The following ZFHX3 variants were observed in gnomAD, a reference collection of about 807,000 sequenced individuals.
The protein encoded by ZFHX3 is zinc finger homeobox protein 3.
A neutral mutation model predicts 279.1 loss-of-function variants in ZFHX3; 42 were observed. The ratio of observed to expected loss-of-function variants is 0.15; its 90% CI spans 0.12 to 0.19. ZFHX3 has a LOEUF of 0.19. ZFHX3 is among the 10% of genes least tolerant of loss of function. The pLI is 1.00. For missense variants in ZFHX3, 4,981 were observed against 4,754.0 expected (o/e 1.05, Z -1.40); for synonymous variants, 2,293 against 1,957.8 (o/e 1.17, Z -4.52).
intron 5 of ZFHX3, among the ~76,000 whole-genome samples, chr16:73,175,905 G>A (rs904797820): frequency 1.3e-5 from 2 of 152,098 alleles, no homozygotes; most frequent in East Asian, 1.9e-4. Flanking sequence ...TTACTTGGGG[G>A]GCAGGGCTAT....
chr16:73,091,200 G>A (rs1333822114), intron 8 of ZFHX3, among the ~76,000 whole-genome samples: 1 of 146,598 alleles, frequency 6.8e-6, no homozygotes, highest in East Asian at 2.0e-4. Context: ...GGCAGAGTGA[G>A]ACTCCGTCTC....
chr16:72,825,089 C>A (rs780907628), intron 5 of ZFHX3, among the ~76,000 whole-genome samples: 9 of 152,226 alleles, frequency 5.9e-5, no homozygotes, highest in Non-Finnish European at 1.3e-4. Flanking sequence ...AGTGGATATC[C>A]CCTGTCCATG....
At position 72,793,632 on chromosome 16, in the gene ZFHX3, G is replaced by A. The variant is rs538554449; in HGVS notation, c.9050C>T (p.Thr3017Met). ...SMAKHFGINQ[T>M]SYEGPKTECT... ...CTCTGTTTTGGGTCCCTCATAACTC[G>A]TTTGGTTTATACCAAAATGCTTGGC... The change falls in exon 9 of 10, where the codon ACG becomes ATG. Residue 3017 changes from threonine (T) to methionine (M), a missense_variant. By Grantham distance (81) the Thr-to-Met change is moderately conservative. Coordinates refer to ENST00000268489, the MANE Select transcript of ZFHX3 (RefSeq NM_006885.4). This position sits in a 1 kb window ranked among gnomAD's most constrained non-coding sequence, Gnocchi z 4.3. 4.8e-5 allele frequency: 78 copies of A among 1,614,140 alleles called. No homozygotes were observed. Among genetic ancestry groups the A allele is most frequent in the Non-Finnish European group, 6.0e-5 (71 of 1,180,016 alleles).
At chr16:73,020,530 T>A (rs1464829947) in intron 1 of ZFHX3, among the ~76,000 whole-genome samples, 1 of 152,316 alleles carries the variant, frequency 6.6e-6, no homozygotes, top group Non-Finnish European at 1.5e-5. Context: ...GCGGGACCCA[T>A]GGGACAAACC....
intron 7 of ZFHX3, among the ~76,000 whole-genome samples, chr16:73,129,227 A>G (rs747683450): frequency 2.0e-5 from 3 of 152,192 alleles, no homozygotes; most frequent in Non-Finnish European, 2.9e-5. Flanking sequence ...GTCTCTACTA[A>G]AAATACAAAA....
At chr16:72,972,526 G>A (rs1962151008) in intron 1 of ZFHX3, among the ~76,000 whole-genome samples, 1 of 152,144 alleles carries the variant, frequency 6.6e-6, no homozygotes, top group South Asian at 2.1e-4. Flanking sequence ...CTTGTGCAGT[G>A]GAACCAACTA....
At chr16:73,795,151 G>C (rs1959954202) in intron 1 of ZFHX3, among the ~76,000 whole-genome samples, 1 of 152,184 alleles carries the variant, frequency 6.6e-6, no homozygotes, top group South Asian at 2.1e-4. Context: ...AGAGGTCCCA[G>C]GCTCAGACCG....
chr16:73,698,065 T>C (rs1404545396), intron 1 of ZFHX3, among the ~76,000 whole-genome samples: 1 of 151,960 alleles, frequency 6.6e-6, no homozygotes, highest in Non-Finnish European at 1.5e-5. Context: ...AAAAAAAACA[T>C]AGGAAATGAT....
intron 3 of ZFHX3, among the ~76,000 whole-genome samples, chr16:72,905,804 G>C (rs991093923): frequency 6.6e-6 from 1 of 152,184 alleles, no homozygotes; most frequent in South Asian, 2.1e-4. Context: ...CTACAGCTCC[G>C]ATGAGTCAGA....
chr16:73,361,440 G>A (rs918283768), intron 3 of ZFHX3, among the ~76,000 whole-genome samples: 3 of 152,228 alleles, frequency 2.0e-5, no homozygotes, highest in Non-Finnish European at 4.4e-5. Flanking sequence ...CAGCTGAATC[G>A]CCCAGCTGAA....
chr16:73,264,747 C>G (rs910782923), intron 4 of ZFHX3, among the ~76,000 whole-genome samples: 1 of 152,026 alleles, frequency 6.6e-6, no homozygotes, highest in Non-Finnish European at 1.5e-5. Context: ...CAAGCTTTCC[C>G]CCTGAGTCCC....
chr16:72,788,982 T>G, intron 9 of ZFHX3, 134 bp from the exon 10 acceptor site: 1 of 1,338,940 alleles, frequency 7.5e-7, no homozygotes, highest in Admixed American at 2.9e-5. Context: ...AACGAACATT[T>G]CCAACAGAAG....
At chr16:73,578,766 G>T (rs917628460) in intron 2 of ZFHX3, among the ~76,000 whole-genome samples, 1 of 152,022 alleles carries the variant, frequency 6.6e-6, no homozygotes, top group African/African-American at 2.4e-5. Flanking sequence ...TAAAAGTAGT[G>T]AAAATAGACA....
chr16:73,039,708 T>C lies in ZFHX3; in HGVS notation c.-50+8044A>G, dbSNP rs541615236. The stretch of plus-strand genomic sequence containing the variant: ...CCAAGTATCTCTTTTTTTATTTTTT[T>C]ATTTTTAGTAGAGATGGAGTTTCAC... On this transcript the variant is annotated intron_variant, in intron 1 of 9. Coordinates refer to ENST00000268489, the MANE Select transcript of ZFHX3 (RefSeq NM_006885.4). 6.6e-5 allele frequency among the ~76,000 whole-genome samples: 10 copies of C among 152,296 alleles called. No individual in the cohort carries two copies. The South Asian group carries it at 1.9e-3, about 28-fold the overall frequency.
chr16:73,724,991 C>T lies in ZFHX3; in HGVS notation c.-1607-44751G>A, dbSNP rs573122973. On this transcript the variant is annotated intron_variant, in intron 1 of 17. Coordinates refer to the ZFHX3 transcript ENST00000641206. ...AAGAAAACACCAAGAATTTTAAACA[C>T]CTCAGTCTGTAATGGGATTAGAGCA... is the stretch of plus-strand genomic sequence containing the variant. 9.9e-5 allele frequency among the ~76,000 whole-genome samples: 15 copies of T among 152,236 alleles called. No homozygotes were observed. The South Asian group carries it at 1.5e-3, about 15-fold the overall frequency.
chr16:73,812,440 G>C (rs1202362856), intron 1 of ZFHX3, among the ~76,000 whole-genome samples: 1 of 152,122 alleles, frequency 6.6e-6, no homozygotes, highest in Non-Finnish European at 1.5e-5. Flanking sequence ...TTCTCCTCCA[G>C]AAAGTCTTGC....
chr16:73,234,216 A>G lies in ZFHX3; in HGVS notation c.-1104+22831T>C, dbSNP rs149694727. Among the ~76,000 whole-genome samples the G allele has an allele frequency of 6.3e-4, 96 of 152,268 alleles. 1 individual carries two copies. In the East Asian group the frequency reaches 0.011, roughly 17 times the overall value. ...GTTCAATGCTGCAAGGCAGACAGTC[A>G]CCCATCCCTGGACTCTGTGGCTGTG... On this transcript the variant is annotated intron_variant, in intron 5 of 17. Coordinates refer to the ZFHX3 transcript ENST00000641206.
intron 3 of ZFHX3, among the ~76,000 whole-genome samples, chr16:73,350,321 G>A (rs981358858): frequency 6.6e-6 from 1 of 152,164 alleles, no homozygotes; most frequent in African/African-American, 2.4e-5. Context: ...AGTCTAATTG[G>A]CTGACAGGGT....
exon 1 of ZFHX3, chr16:73,059,578 A>G (rs1262615649): frequency 3.9e-5 from 5 of 127,050 alleles, no homozygotes. Context: ...AAACGCAGCA[A>G]TGTTTAAATT....
Sources: allele counts gnomAD v4.1 joint callset (sites outside exome capture counted in the v4.1 genomes callset), GRCh38; gene constraint gnomAD v4.1.1; non-coding constraint Gnocchi (gnomAD v3.1); transcripts MANE v1.5; gene names NCBI Gene and HGNC (gene_info 2026-07-23, HGNC 2026-07-21).